COL11A1: variants seen among roughly 807,000 people sequenced by gnomAD.
COL11A1 encodes collagen alpha-1(XI) chain.
A neutral mutation model predicts 265.2 loss-of-function variants in COL11A1; 74 were observed. That is an observed-to-expected ratio of 0.28 (90% CI 0.23 to 0.34). The LOEUF (loss-of-function observed/expected upper bound fraction) is 0.34. Ranked by LOEUF, COL11A1 falls within the 10% of genes least tolerant of loss-of-function variation. The pLI is 1.00. For synonymous variants in COL11A1, 816 were observed against 727.6 expected (o/e 1.12, Z -1.96); for missense variants, 2,165 against 2,263.6 (o/e 0.96, Z 0.88).
chr1:102,928,364 T>C (rs975407064), intron 46 of COL11A1, among the ~76,000 whole-genome samples: 3 of 151,416 alleles, frequency 2.0e-5, no homozygotes, highest in Non-Finnish European at 2.9e-5. Flanking sequence ...GGTTTTTTGT[T>C]CTTGCGATAG....
At position 102,888,921 on chromosome 1, in the gene COL11A1, TAG is replaced by T. The variant is rs760592267; in HGVS notation, c.4465-4_4465-3del. 10 of 1,611,134 alleles carry T rather than the reference TAG, an allele frequency of 6.2e-6. No individual in the cohort carries two copies. The highest frequency in any genetic ancestry group is 7.6e-6 in the Non-Finnish European group (9 of 1,177,414). ...GGGACCAGCAGGACCAGGAATTCCC[TAG>T]AGAGAGAATCAGCCAATTTAAAGGG... On this transcript the variant is annotated splice_polypyrimidine_tract_variant and splice_region_variant and intron_variant, in intron 59 of 66. Coordinates refer to ENST00000370096, the MANE Select transcript of COL11A1 (RefSeq NM_001854.4).
At chr1:103,104,978 G>A (rs1230455335) in intron 1 of COL11A1, among the ~76,000 whole-genome samples, 1 of 152,102 alleles carries the variant, frequency 6.6e-6, no homozygotes, top group Non-Finnish European at 1.5e-5. Context: ...TTCCTGACAA[G>A]CTTCCAAAGT....
At chr1:102,960,812 T>G (rs1198906491) in intron 41 of COL11A1, among the ~76,000 whole-genome samples, 1 of 152,026 alleles carries the variant, frequency 6.6e-6, no homozygotes, top group Non-Finnish European at 1.5e-5. Flanking sequence ...GATAAGGAGC[T>G]TGGTTTCCAA....
chr1:102,890,384 G>C, intron 58 of COL11A1, 67 bp downstream of exon 58: 1 of 1,358,640 alleles, frequency 7.4e-7, no homozygotes, highest in Non-Finnish European at 1.0e-6. Flanking sequence ...ATTTTAATCT[G>C]CAAAAGCAGG....
chr1:102,931,343 G>A (rs1309080551), intron 46 of COL11A1, among the ~76,000 whole-genome samples: 14 of 146,118 alleles, frequency 9.6e-5, no homozygotes, highest in East Asian at 4.1e-4. Context: ...CCTTCATTTT[G>A]TTATGTACCC....
intron 4 of COL11A1, among the ~76,000 whole-genome samples, chr1:103,032,204 C>G (rs536281820): frequency 9.2e-5 from 14 of 152,192 alleles, no homozygotes; most frequent in Non-Finnish European, 1.6e-4. Context: ...AAATCTGATT[C>G]ATAAAACTCC....
chr1:102,990,766 C>T (rs1215217513), intron 28 of COL11A1, among the ~76,000 whole-genome samples: 1 of 152,120 alleles, frequency 6.6e-6, no homozygotes, highest in African/African-American at 2.4e-5. Flanking sequence ...GGCACAGTGG[C>T]TCATGCCTGT....
At chr1:102,931,652 G>A (rs1368033863) in intron 46 of COL11A1, among the ~76,000 whole-genome samples, 1 of 151,614 alleles carries the variant, frequency 6.6e-6, no homozygotes, top group East Asian at 1.9e-4. Flanking sequence ...TATCCTTGTT[G>A]ACTTTCTGTC....
intron 13 of COL11A1, 61 bp downstream of exon 13, chr1:103,014,450 C>T: frequency 2.3e-6 from 3 of 1,313,022 alleles, no homozygotes; most frequent in East Asian, 2.3e-5. Context: ...CGTATGTACA[C>T]ACATATATAC....
intron 4 of COL11A1, among the ~76,000 whole-genome samples, chr1:103,047,664 G>T (rs992898294): frequency 6.6e-6 from 1 of 152,162 alleles, no homozygotes; most frequent in Non-Finnish European, 1.5e-5. Context: ...GTGAGAGAGG[G>T]CATCCCTGTC....
chr1:102,929,408 G>T (rs1189694450), intron 46 of COL11A1, among the ~76,000 whole-genome samples: 1 of 151,924 alleles, frequency 6.6e-6, no homozygotes, highest in Non-Finnish European at 1.5e-5. Context: ...TTGTAGATAT[G>T]CGGCATTATT....
At chr1:102,909,089 T>C (rs1654340087) in intron 54 of COL11A1, among the ~76,000 whole-genome samples, 1 of 152,202 alleles carries the variant, frequency 6.6e-6, no homozygotes, top group South Asian at 2.1e-4. Context: ...TTATTCCAAA[T>C]CTTGGCGGTA....
chr1:102,974,786 A>C, intron 36 of COL11A1, 44 bp downstream of exon 36: 2 of 1,496,714 alleles, frequency 1.3e-6, no homozygotes, highest in Non-Finnish European at 1.9e-6. Context: ...CAAAAATGTA[A>C]AAATATCAAA....
In COL11A1 at chr1:103,002,776, C is replaced by T. The variant is rs143663917; in HGVS notation, c.2014G>A (p.Asp672Asn). 146 of 1,613,332 alleles carry T rather than the reference C, an allele frequency of 9.0e-5. No homozygotes were observed. Among genetic ancestry groups the T allele is most frequent in the African/African-American group, 6.9e-4 (52 of 75,010 alleles). ...TTCCCTTTTGGTCCTGGGGGGCCAT[C>T]TACACCTGCCATACCCTGCAATGAA... ...APGQPGMAGV[D>N]GPPGPKGNMG... The change falls in exon 22 of 67, where the codon GAT becomes AAT. Residue 672 changes from aspartate (D) to asparagine (N), a missense_variant. Asp to Asn is a conservative substitution (Grantham distance 23, BLOSUM62 1). Transcript: ENST00000370096.
chr1:103,070,947 GGCCATCTCAAAC>G (rs1211847745), intron 4 of COL11A1, among the ~76,000 whole-genome samples: 1 of 151,576 alleles, frequency 6.6e-6, no homozygotes, highest in Non-Finnish European at 1.5e-5. Context: ...CTTTAGTATT[GGCCATCTCAAAC>G]GCCATCTCAA....
intron 54 of COL11A1, among the ~76,000 whole-genome samples, chr1:102,910,004 TCAA>T (rs1253208476): frequency 1.3e-5 from 2 of 151,994 alleles, no homozygotes; most frequent in African/African-American, 4.8e-5. Flanking sequence ...ATCAATAGCG[TCAA>T]CATTATTATG....
At chr1:102,915,068 C>G (rs1043680176) in intron 50 of COL11A1, among the ~76,000 whole-genome samples, 1 of 152,010 alleles carries the variant, frequency 6.6e-6, no homozygotes, top group African/African-American at 2.4e-5. Context: ...CCAGGCCCGG[C>G]TAATTTTTGT....
chr1:102,963,680 T>C (rs2101583114), intron 38 of COL11A1, among the ~76,000 whole-genome samples: 1 of 152,336 alleles, frequency 6.6e-6, no homozygotes, highest in South Asian at 2.1e-4. Context: ...GGTATACACC[T>C]GTCCCAATTT....
chr1:103,024,743 G>T (rs1204242078), intron 7 of COL11A1, among the ~76,000 whole-genome samples: 4 of 151,954 alleles, frequency 2.6e-5, no homozygotes, highest in African/African-American at 4.8e-5. Context: ...TCACAATTTT[G>T]TGTTTTCACA....
Sources: allele counts gnomAD v4.1 joint callset (sites outside exome capture counted in the v4.1 genomes callset), GRCh38; gene constraint gnomAD v4.1.1; transcripts MANE v1.5; gene names NCBI Gene and HGNC (gene_info 2026-07-23, HGNC 2026-07-21).